The following OSBPL10 variants were observed in gnomAD, a reference collection of about 807,000 sequenced individuals.
The protein encoded by OSBPL10 is oxysterol-binding protein-related protein 10.
In OSBPL10, 49 loss-of-function variants were observed where a neutral mutation model predicts 81.7. The ratio of observed to expected loss-of-function variants is 0.60; its 90% confidence interval spans 0.48 to 0.76. OSBPL10 has a LOEUF of 0.76. Ranked by LOEUF, OSBPL10 falls within the 30% of genes least tolerant of loss-of-function variation. OSBPL10 has a pLI of 0.00. For synonymous variants in OSBPL10, 419 were observed against 383.6 expected (o/e 1.09, Z -1.08); for missense variants, 923 against 987.8 (o/e 0.93, Z 0.88).
At chr3:31,722,454 G>T (rs1696675846) in intron 6 of OSBPL10, among the ~76,000 whole-genome samples, 1 of 151,946 alleles carries the variant, frequency 6.6e-6, no homozygotes, top group Non-Finnish European at 1.5e-5. Flanking sequence ...TCCCATTATG[G>T]GAATTTCTGT....
chr3:31,971,158 T>C lies in OSBPL10; in HGVS notation c.281+9741A>G, dbSNP rs1400984794. Among the ~76,000 whole-genome samples the C allele has an allele frequency of 1.7e-3, 196 of 112,548 alleles. 1 individual carries two copies. The highest frequency in any genetic ancestry group is 8.2e-3 in the African/African-American group (185 of 22,664). The allele number at this position is 112,548 out of a possible 152,430, so 73.8% of individuals were successfully genotyped here. A position where few individuals can be genotyped will look rare whatever the true frequency, so the allele number is the denominator to read the frequency against. On this transcript the variant is annotated intron_variant, in intron 1 of 11. Transcript: ENST00000396556. ...TTTTTTCTTTTTTTTTTTTTTTTTT[T>C]GAGCTGGAGTCTTGCTCTGTCGCCC... is the stretch of plus-strand genomic sequence containing the variant.
intron 1 of OSBPL10, among the ~76,000 whole-genome samples, chr3:31,945,502 A>T (rs1697674868): frequency 6.6e-6 from 1 of 152,242 alleles, no homozygotes; most frequent in African/African-American, 2.4e-5. Flanking sequence ...AATTGTTTTG[A>T]ATCAGTTGAC....
intron 4 of OSBPL10, among the ~76,000 whole-genome samples, chr3:31,827,635 CA>C (rs34122216): frequency 0.085 from 11,202 of 131,898 alleles, 795 homozygotes; most frequent in East Asian, 0.45. Context: ...GACTCTGTCT[CA>C]AAAAAAAAAA....
chr3:31,888,034 A>G (rs1407908858), intron 1 of OSBPL10, among the ~76,000 whole-genome samples: 2 of 152,202 alleles, frequency 1.3e-5, no homozygotes, highest in African/African-American at 4.8e-5. Context: ...AGTCTATTAC[A>G]TAAGAATTAT....
At position 31,844,161 on chromosome 3, in the gene OSBPL10, C is replaced by T. The variant is rs537406128; in HGVS notation, c.538-13930G>A. On this transcript the variant is annotated intron_variant, in intron 3 of 11. Coordinates refer to ENST00000396556, the MANE Select transcript of OSBPL10 (RefSeq NM_017784.5). ...AGGCAAAAGGGGACCCATGTATTAT[C>T]TTTGGGATTGTGACTTAAATCATTA... Among the ~76,000 whole-genome samples the T allele has an allele frequency of 2.6e-5, 4 of 152,340 alleles. No homozygotes were observed. In the South Asian group the frequency reaches 8.3e-4, roughly 32 times the overall value.
At chr3:31,663,388 G>A in intron 11 of OSBPL10, 3 of 986,472 alleles carry the variant, frequency 3.0e-6, no homozygotes, top group Non-Finnish European at 3.6e-6. Flanking sequence ...CTGTGGGCCT[G>A]CTTTAAGACG....
chr3:31,959,097 T>A (rs1371908733), intron 1 of OSBPL10, among the ~76,000 whole-genome samples: 1 of 152,196 alleles, frequency 6.6e-6, no homozygotes, highest in Non-Finnish European at 1.5e-5. Flanking sequence ...GAATCACACA[T>A]GCTGCATTTG....
At chr3:31,760,802 A>G (rs1698010658) in intron 4 of OSBPL10, among the ~76,000 whole-genome samples, 1 of 152,198 alleles carries the variant, frequency 6.6e-6, no homozygotes, top group African/African-American at 2.4e-5. Flanking sequence ...ACATTTCATC[A>G]CATAAATATG....
At chr3:31,929,762 AG>A (rs1332479903) in intron 1 of OSBPL10, among the ~76,000 whole-genome samples, 1 of 143,994 alleles carries the variant, frequency 6.9e-6, no homozygotes, top group African/African-American at 2.6e-5. Flanking sequence ...AAAAAAAAAA[AG>A]GAAATAAAAA....
At chr3:31,968,552 T>C (rs140054482) in intron 1 of OSBPL10, among the ~76,000 whole-genome samples, 191 of 151,892 alleles carry the variant, frequency 1.3e-3, no homozygotes, top group African/African-American at 4.4e-3. Context: ...TTAAACTTGA[T>C]TTCCCAGATA....
intron 4 of OSBPL10, among the ~76,000 whole-genome samples, chr3:31,791,151 G>T (rs1447603611): frequency 6.6e-6 from 1 of 152,144 alleles, no homozygotes; most frequent in Non-Finnish European, 1.5e-5. Flanking sequence ...AAATAGAAGT[G>T]TCATTTTAAA....
At chr3:32,031,945 C>T (rs1699472957) in intron 2 of OSBPL10, among the ~76,000 whole-genome samples, 1 of 152,080 alleles carries the variant, frequency 6.6e-6, no homozygotes, top group African/African-American at 2.4e-5. Flanking sequence ...CGGAATTAAA[C>T]CCAGATATTT....
intron 1 of OSBPL10, among the ~76,000 whole-genome samples, chr3:31,965,576 ATATAT>A (rs1308575234): frequency 6.6e-5 from 5 of 76,216 alleles, no homozygotes; most frequent in East Asian, 5.4e-4. Flanking sequence ...ATATTATATA[ATATAT>A]TATATAAATT....
chr3:31,950,873 T>C (rs1224141543), intron 1 of OSBPL10, among the ~76,000 whole-genome samples: 3 of 152,218 alleles, frequency 2.0e-5, no homozygotes, highest in Admixed American at 6.5e-5. Context: ...ACTTTCCATC[T>C]TGAGTAAAAG....
intron 1 of OSBPL10, among the ~76,000 whole-genome samples, chr3:31,947,339 G>A (rs564476019): frequency 6.6e-6 from 1 of 152,272 alleles, no homozygotes; most frequent in Non-Finnish European, 1.5e-5. Context: ...ACCAAAGCTG[G>A]AGGTGCCAAT....
At chr3:31,826,338 T>C (rs563712244) in intron 4 of OSBPL10, among the ~76,000 whole-genome samples, 1 of 152,234 alleles carries the variant, frequency 6.6e-6, no homozygotes, top group African/African-American at 2.4e-5. Context: ...CTAGAGAGAA[T>C]ATGTCTGTTC....
At position 31,980,940 on chromosome 3, in the gene OSBPL10, C is replaced by A; in HGVS notation, c.240G>T (p.Val80=). The change falls in exon 1 of 12, where the codon GTG becomes GTT. Residue 80 remains valine (V), a synonymous_variant. Transcript: ENST00000396556. ...GGAGGAGGTTGGTGTATTTGCTGAG[C>A]ACGCCCTCGAGCGCCGGCTCCCTCC... ...GRRREPALEG[V]LSKYTNLLQG... is the part of the protein sequence containing the mutation. 1 of 1,580,774 alleles carries A rather than the reference C, an allele frequency of 6.3e-7. No individual in the cohort carries two copies. Among genetic ancestry groups the A allele is most frequent in the Non-Finnish European group, 8.6e-7 (1 of 1,167,018 alleles).
At chr3:31,682,680 C>G (rs193271032) in intron 8 of OSBPL10, among the ~76,000 whole-genome samples, 1 of 152,334 alleles carries the variant, frequency 6.6e-6, no homozygotes, top group East Asian at 1.9e-4. Context: ...CAACACTTAC[C>G]ATTCTTCAAC....
intron 3 of OSBPL10, among the ~76,000 whole-genome samples, chr3:31,872,449 G>GT (rs1701353692): frequency 2.2e-5 from 3 of 135,158 alleles, no homozygotes; most frequent in African/African-American, 1.0e-4. Context: ...TGTTTTTGTT[G>GT]TTGTTTTTTT....
Sources: gnomAD v4.1 joint callset for allele counts (sites outside exome capture counted in the v4.1 genomes callset) on GRCh38, gnomAD v4.1.1 for gene constraint, MANE v1.5 for transcripts, NCBI Gene and HGNC (gene_info 2026-07-23, HGNC 2026-07-21) for gene names.